The following EFNA5 variants were observed in gnomAD, a reference collection of about 807,000 sequenced individuals.
The protein encoded by EFNA5 is ephrin A5, also known as ephrin-A5.
Under a neutral mutation model 22.9 loss-of-function variants are expected in EFNA5, and 5 were observed. The ratio of observed to expected loss-of-function variants is 0.22; its 90% CI spans 0.11 to 0.46. The LOEUF (loss-of-function observed/expected upper bound fraction) is 0.46. Ranked by LOEUF, EFNA5 falls within the 20% of genes least tolerant of loss-of-function variation. The pLI is 0.99. For missense variants in EFNA5, 237 were observed against 293.3 expected, an observed-to-expected ratio of 0.81 and a Z score of 1.40; for synonymous variants, 113 against 112.2, an observed-to-expected ratio of 1.01 and a Z score of -0.04.
chr5:107,501,856 A>C (rs1747144078), intron 1 of EFNA5, among the ~76,000 whole-genome samples: 1 of 152,222 alleles, frequency 6.6e-6, no homozygotes. Flanking sequence ...CCATAAGGTC[A>C]AAATAATAGA....
rs183273910 is a variant in EFNA5 at position 107,650,668 on chromosome 5, T to C, written c.125+19821A>G. 3.4e-3 allele frequency among the ~76,000 whole-genome samples: 516 copies of C among 152,308 alleles called. 4 individuals carry two copies. The highest frequency in any genetic ancestry group is 0.012 in the African/African-American group (489 of 41,584). On this transcript the variant is annotated intron_variant, in intron 1 of 4. Coordinates refer to ENST00000333274, the MANE Select transcript of EFNA5 (RefSeq NM_001962.3). ...TGACTTTAAGTGAAATAATTTAGGTTGACTATAGAGGAAAATTTCCTGACT... is the reference window on the plus strand; with the variant it reads ...TGACTTTAAGTGAAATAATTTAGGTCGACTATAGAGGAAAATTTCCTGACT...
intron 1 of EFNA5, among the ~76,000 whole-genome samples, chr5:107,618,795 A>C (rs1233338210): frequency 2.0e-5 from 3 of 152,216 alleles, no homozygotes; most frequent in South Asian, 2.1e-4. Flanking sequence ...AGTGTCCACT[A>C]AGATTAAAAA....
At chr5:107,567,918 A>C (rs912335915) in intron 1 of EFNA5, among the ~76,000 whole-genome samples, 4 of 152,180 alleles carry the variant, frequency 2.6e-5, no homozygotes, top group Non-Finnish European at 1.5e-5. Context: ...TCTTACAGTC[A>C]GGGTCTCACT....
At chr5:107,553,390 G>A (rs553598387) in intron 1 of EFNA5, among the ~76,000 whole-genome samples, 3 of 152,104 alleles carry the variant, frequency 2.0e-5, no homozygotes, top group African/African-American at 7.2e-5. Context: ...CTCCACCACC[G>A]CCCCACCATC....
intron 1 of EFNA5, among the ~76,000 whole-genome samples, chr5:107,598,389 A>G (rs903752460): frequency 2.6e-5 from 4 of 152,172 alleles, no homozygotes; most frequent in Non-Finnish European, 5.9e-5. Flanking sequence ...AGGATAAGCA[A>G]AAAACTAAAT....
At chr5:107,655,334 C>A (rs937030618) in intron 1 of EFNA5, among the ~76,000 whole-genome samples, 5 of 152,086 alleles carry the variant, frequency 3.3e-5, no homozygotes, top group Non-Finnish European at 4.4e-5. Context: ...AAGAAACCTG[C>A]TTTTGTACAA....
At chr5:107,491,354 CA>C in intron 1 of EFNA5, among the ~76,000 whole-genome samples, 1 of 152,234 alleles carries the variant, frequency 6.6e-6, no homozygotes, top group East Asian at 1.9e-4. Flanking sequence ...TCTTGTTGCC[CA>C]GGCTGAAGTG....
At chr5:107,431,263 T>C (rs1010490773) in intron 1 of EFNA5, among the ~76,000 whole-genome samples, 3 of 152,216 alleles carry the variant, frequency 2.0e-5, no homozygotes, top group African/African-American at 7.2e-5. Flanking sequence ...CTATATAACG[T>C]ACTCAAGTAT....
intron 1 of EFNA5, among the ~76,000 whole-genome samples, chr5:107,590,662 G>C (rs1046905768): frequency 3.3e-5 from 5 of 152,028 alleles, no homozygotes; most frequent in Non-Finnish European, 5.9e-5. Context: ...CAAAGTGCTA[G>C]GATTACAGGA....
At chr5:107,605,262 T>C (rs1341241243) in intron 1 of EFNA5, among the ~76,000 whole-genome samples, 2 of 152,094 alleles carry the variant, frequency 1.3e-5, no homozygotes, top group Non-Finnish European at 2.9e-5. Flanking sequence ...GGAAAGCATA[T>C]ATATGACCCA....
intron 1 of EFNA5, among the ~76,000 whole-genome samples, chr5:107,628,524 T>C (rs1373020836): frequency 6.6e-6 from 1 of 152,184 alleles, no homozygotes; most frequent in Non-Finnish European, 1.5e-5. Flanking sequence ...GAAGTGGGTT[T>C]TTTTGTTACT....
At chr5:107,539,478 A>G (rs896512105) in intron 1 of EFNA5, among the ~76,000 whole-genome samples, 1 of 152,222 alleles carries the variant, frequency 6.6e-6, no homozygotes, top group African/African-American at 2.4e-5. Context: ...CTCAAAAAAA[A>G]GAAAAAGTCT....
At chr5:107,508,580 G>A (rs1453243740) in intron 1 of EFNA5, among the ~76,000 whole-genome samples, 1 of 152,142 alleles carries the variant, frequency 6.6e-6, no homozygotes, top group Non-Finnish European at 1.5e-5. Context: ...CTATCAAACT[G>A]GCTAGAATTG....
chr5:107,650,417 A>G (rs1750705732), intron 1 of EFNA5, among the ~76,000 whole-genome samples: 1 of 152,164 alleles, frequency 6.6e-6, no homozygotes, highest in Non-Finnish European at 1.5e-5. Flanking sequence ...GTTAAACTCT[A>G]TGGCAAGAAC....
intron 1 of EFNA5, among the ~76,000 whole-genome samples, chr5:107,440,762 T>C (rs1237724182): frequency 6.6e-6 from 1 of 152,140 alleles, no homozygotes; most frequent in Non-Finnish European, 1.5e-5. Flanking sequence ...TCAGTGTTGA[T>C]GAGCTGGGTC....
chr5:107,458,774 C>T (rs1410923935), intron 1 of EFNA5, among the ~76,000 whole-genome samples: 4 of 152,130 alleles, frequency 2.6e-5, no homozygotes, highest in South Asian at 4.1e-4. Context: ...AACCAAATCA[C>T]TTCAGTGGTT....
At chr5:107,542,449 T>C (rs1256515396) in intron 1 of EFNA5, among the ~76,000 whole-genome samples, 1 of 152,088 alleles carries the variant, frequency 6.6e-6, no homozygotes, top group Non-Finnish European at 1.5e-5. Context: ...TTGAAAATGA[T>C]AATGACCTCT....
chr5:107,489,829 T>C (rs1746752914), intron 1 of EFNA5, among the ~76,000 whole-genome samples: 1 of 152,234 alleles, frequency 6.6e-6, no homozygotes, highest in African/African-American at 2.4e-5. Flanking sequence ...TCTTTCTTGC[T>C]TGTAGCTCTC....
At chr5:107,481,099 G>A (rs1750447324) in intron 1 of EFNA5, among the ~76,000 whole-genome samples, 1 of 152,158 alleles carries the variant, frequency 6.6e-6, no homozygotes, top group Non-Finnish European at 1.5e-5. Context: ...AAACTAAGAG[G>A]TGTGCAGCAA....
Sources: gnomAD v4.1 joint callset for allele counts (sites outside exome capture counted in the v4.1 genomes callset) on GRCh38, gnomAD v4.1.1 for gene constraint, MANE v1.5 for transcripts, NCBI Gene and HGNC (gene_info 2026-07-23, HGNC 2026-07-21) for gene names.